CNOT2: variants seen among roughly 807,000 people sequenced by gnomAD.
The protein encoded by CNOT2 is CC chemokine receptor 4-negative regulator of transcription 2.
CNOT2 carries 7 observed loss-of-function variants against 72.1 expected under a neutral mutation model. The observed-to-expected ratio is 0.10, with a 90% CI of 0.06 to 0.18. The LOEUF is 0.18. Among genes scored for constraint, CNOT2 ranks in the 10% least tolerant of loss-of-function variants. The probability of loss-of-function intolerance (pLI) is 1.00; values close to 1 mark genes in which losing one functional copy is unlikely to be tolerated. For synonymous variants in CNOT2, 196 were observed against 225.6 expected (o/e 0.87, Z 1.17); for missense variants, 345 against 660.3 (o/e 0.52, Z 5.23).
intron 1 of CNOT2, among the ~76,000 whole-genome samples, chr12:70,277,431 G>A (rs985852448): frequency 4.0e-5 from 6 of 151,898 alleles, no homozygotes; most frequent in Non-Finnish European, 7.4e-5. Context: ...TTATATCTCT[G>A]CAGTTTAAGA....
At chr12:70,338,194 G>A in intron 9 of CNOT2, 1 of 316,872 alleles carries the variant, frequency 3.2e-6, no homozygotes, top group South Asian at 7.2e-5. Context: ...TGTGACTGAA[G>A]ATCTGAGATA....
intron 2 of CNOT2, among the ~76,000 whole-genome samples, chr12:70,286,628 T>C (rs951274235): frequency 2.0e-5 from 3 of 149,998 alleles, no homozygotes; most frequent in Non-Finnish European, 3.0e-5. Context: ...AATATCATGT[T>C]TTCTTAAATA....
chr12:70,311,121 C>G (rs747555054), intron 3 of CNOT2, 104 bp downstream of exon 3: 13 of 770,428 alleles, frequency 1.7e-5, no homozygotes, highest in Non-Finnish European at 2.8e-5. Context: ...GGTTGAGTGA[C>G]AATCTTTTCA....
rs2136104793 is a variant in CNOT2, at chr12:70,354,100, C to T, written c.*185C>T. 9.3e-7 allele frequency: 1 copy of T among 1,070,764 alleles called. No homozygotes were observed. 66.3% of individuals were successfully genotyped at this position (1,070,764 alleles called of 1,614,324 possible). On this transcript the variant is annotated 3_prime_UTR_variant, in exon 16 of 16. Transcript: ENST00000229195. Reference sequence around the variant, plus strand: ...TCCTGCCTTACTAATTATGTGCTGCCCAACAACTAAATTTGTAATTTGTTT... The same window carrying T: ...TCCTGCCTTACTAATTATGTGCTGCTCAACAACTAAATTTGTAATTTGTTT...
chr12:70,338,591 A>T, intron 10 of CNOT2, 28 bp downstream of exon 10: 1 of 1,599,550 alleles, frequency 6.3e-7, no homozygotes, highest in Non-Finnish European at 8.5e-7. Flanking sequence ...TATGTCAAAG[A>T]TATTATAGAA....
intron 11 of CNOT2, among the ~76,000 whole-genome samples, chr12:70,339,354 A>G (rs1015008177): frequency 3.0e-4 from 45 of 151,838 alleles, no homozygotes; most frequent in African/African-American, 1.0e-3. Context: ...CCTTCAATCT[A>G]TTGATTCTTC....
chr12:70,318,549 A>G (rs546799377), intron 3 of CNOT2, among the ~76,000 whole-genome samples: 35 of 151,830 alleles, frequency 2.3e-4, no homozygotes, highest in Non-Finnish European at 4.3e-4. Context: ...TATGTACCTA[A>G]ATGTTACCAC....
Position 70,310,892 on chromosome 12 carries a change from T to G in CNOT2, c.49-3T>G. The G allele has an allele frequency of 6.2e-7, 1 of 1,610,644 alleles. No individual in the cohort carries two copies. The highest frequency in any genetic ancestry group is 8.5e-7 in the Non-Finnish European group (1 of 1,177,928). On this transcript the variant is annotated splice_polypyrimidine_tract_variant and splice_region_variant and intron_variant, in intron 2 of 15. Coordinates refer to ENST00000229195, the MANE Select transcript of CNOT2 (RefSeq NM_014515.7). ...CCCTGATAAAAGTAATATTTTTGTT[T>G]AGGTGACAAACAGCATGTTTGGTGC...
chr12:70,330,227 A>T (rs2272180), intron 5 of CNOT2, 60 bp from the exon 6 acceptor site: 136,027 of 758,370 alleles, frequency 0.18, 15,319 homozygotes, highest in Admixed American at 0.42. Flanking sequence ...TGATTATTTA[A>T]AGAGAATTTT....
rs568824697 is a variant in CNOT2 at position 70,301,227 on chromosome 12, G to A, written c.49-9668G>A. Among the ~76,000 whole-genome samples, 3 of 152,224 alleles carry A rather than the reference G, an allele frequency of 2.0e-5. No homozygotes were observed. The South Asian group carries it at 6.2e-4, about 32-fold the overall frequency. ...TGCCCTTTATTTCCTTCTCCTGCCT[G>A]ATTGCCCTGGCCAGAACTTCCAACA... On this transcript the variant is annotated intron_variant, in intron 2 of 15. Coordinates refer to ENST00000229195, the MANE Select transcript of CNOT2 (RefSeq NM_014515.7).
In CNOT2 at chr12:70,288,056, T is replaced by C. The variant is rs111491150; in HGVS notation, c.48+9782T>C. ...TTTCAGAGCATTCCTTCACCACTTT[T>C]TGCTTACCATAAATAACAGGAACAT... On this transcript the variant is annotated intron_variant, in intron 2 of 15. Coordinates refer to ENST00000229195, the MANE Select transcript of CNOT2 (RefSeq NM_014515.7). Among the ~76,000 whole-genome samples, 738 of 149,860 alleles carry C rather than the reference T, an allele frequency of 4.9e-3. 20 individuals carry two copies. The highest frequency in any genetic ancestry group is 0.016 in the African/African-American group (660 of 41,338).
intron 2 of CNOT2, among the ~76,000 whole-genome samples, chr12:70,303,854 C>T (rs1446049203): frequency 6.6e-6 from 1 of 151,810 alleles, no homozygotes; most frequent in Non-Finnish European, 1.5e-5. Context: ...TCAGGTACAC[C>T]AAGTAGATTT....
chr12:70,248,186 A>G (rs1957973463), intron 1 of CNOT2, among the ~76,000 whole-genome samples: 1 of 152,142 alleles, frequency 6.6e-6, no homozygotes, highest in Admixed American at 6.5e-5. Flanking sequence ...AGCTCATATT[A>G]GATTTGGGGC....
At chr12:70,249,189 G>A (rs1958023672) in intron 1 of CNOT2, among the ~76,000 whole-genome samples, 1 of 151,792 alleles carries the variant, frequency 6.6e-6, no homozygotes, top group Non-Finnish European at 1.5e-5. Flanking sequence ...TTTCTACATT[G>A]TAAATTATAA....
chr12:70,345,999 AT>A (rs1016089343), intron 14 of CNOT2, 180 bp from the exon 15 acceptor site: 1 of 504,288 alleles, frequency 2.0e-6, no homozygotes, highest in Admixed American at 3.8e-5. Context: ...ATTAAGAAAT[AT>A]TTTTTCTATA....
Position 70,245,620 on chromosome 12 carries a change from T to G in CNOT2, c.-96+2140T>G, listed in dbSNP as rs547299039. Among the ~76,000 whole-genome samples the G allele has an allele frequency of 1.9e-3, 294 of 152,288 alleles. 2 individuals carry two copies. The highest frequency in any genetic ancestry group is 0.01 in the Middle Eastern group (3 of 294). On this transcript the variant is annotated intron_variant, in intron 1 of 15. Coordinates refer to ENST00000229195, the MANE Select transcript of CNOT2 (RefSeq NM_014515.7). ...TTTCAATTTCTATAATACTTTAATT[T>G]ACATGGTGGAAAAATGAGGGCAAAA...
At chr12:70,291,650 A>G (rs1304915899) in intron 2 of CNOT2, among the ~76,000 whole-genome samples, 1 of 152,210 alleles carries the variant, frequency 6.6e-6, no homozygotes, top group Non-Finnish European at 1.5e-5. Flanking sequence ...TTAAAACACC[A>G]TGGTAGGCCA....
At chr12:70,255,945 G>A (rs1958417981) in intron 1 of CNOT2, among the ~76,000 whole-genome samples, 1 of 152,114 alleles carries the variant, frequency 6.6e-6, no homozygotes, top group Non-Finnish European at 1.5e-5. Context: ...TTTAAATAAT[G>A]ATTGTCAGGC....
chr12:70,287,237 T>C (rs1051090798), intron 2 of CNOT2, among the ~76,000 whole-genome samples: 1 of 140,028 alleles, frequency 7.1e-6, no homozygotes, highest in Non-Finnish European at 1.6e-5. Context: ...TAGCATCTTT[T>C]TCTTCTTAAG....
Sources: allele counts gnomAD v4.1 joint callset (sites outside exome capture counted in the v4.1 genomes callset), GRCh38; gene constraint gnomAD v4.1.1; transcripts MANE v1.5; gene names NCBI Gene and HGNC (gene_info 2026-07-23, HGNC 2026-07-21).